PTPRT: variants seen among roughly 807,000 people sequenced by gnomAD.
The protein encoded by PTPRT is receptor-type tyrosine-protein phosphatase T.
Under a neutral mutation model 176.8 loss-of-function variants are expected in PTPRT, and 56 were observed. The ratio of observed to expected loss-of-function variants is 0.32; its 90% CI spans 0.26 to 0.40. The LOEUF (loss-of-function observed/expected upper bound fraction) is 0.40. PTPRT is among the 10% of genes least tolerant of loss of function. The pLI is 1.00. For missense variants in PTPRT, 1,540 were observed against 1,908.2 expected (o/e 0.81, Z 3.60); for synonymous variants, 783 against 739.0 (o/e 1.06, Z -0.96).
chr20:42,180,521 C>T (rs1990473316), intron 16 of PTPRT, among the ~76,000 whole-genome samples: 1 of 152,200 alleles, frequency 6.6e-6, no homozygotes, highest in African/African-American at 2.4e-5. Context: ...TGCTTATTTC[C>T]TGTCTCTCTT....
At chr20:42,157,546 A>G (rs572457419) in intron 17 of PTPRT, among the ~76,000 whole-genome samples, 11 of 152,006 alleles carry the variant, frequency 7.2e-5, no homozygotes, top group Admixed American at 6.6e-4. Context: ...GGGTTTCACC[A>G]TGTCGGCCAG....
chr20:43,092,307 A>G (rs993264158), intron 1 of PTPRT, among the ~76,000 whole-genome samples: 1 of 152,210 alleles, frequency 6.6e-6, no homozygotes, highest in Non-Finnish European at 1.5e-5. Flanking sequence ...TCCCCCATTG[A>G]CCAAGGGCTG....
intron 1 of PTPRT, among the ~76,000 whole-genome samples, chr20:43,143,890 C>A (rs180880958): frequency 6.6e-6 from 1 of 152,152 alleles, no homozygotes; most frequent in Non-Finnish European, 1.5e-5. Context: ...TCCCACCTAA[C>A]GCATGAGTGC....
chr20:42,768,191 G>T (rs561266019), intron 5 of PTPRT, among the ~76,000 whole-genome samples: 2 of 152,252 alleles, frequency 1.3e-5, no homozygotes, highest in South Asian at 2.1e-4. Flanking sequence ...ATTTAGGGAA[G>T]TTTCCTTGAA....
chr20:42,368,753 C>G (rs1466329182), intron 9 of PTPRT, among the ~76,000 whole-genome samples: 3 of 152,200 alleles, frequency 2.0e-5, no homozygotes, highest in Non-Finnish European at 4.4e-5. Flanking sequence ...GCATGAAAGA[C>G]TTTTGCTAAA....
At chr20:42,097,044 T>A (rs184892035) in intron 27 of PTPRT, among the ~76,000 whole-genome samples, 1 of 152,176 alleles carries the variant, frequency 6.6e-6, no homozygotes, top group African/African-American at 2.4e-5. Flanking sequence ...GAGACAGCAG[T>A]GTGGGTGGAA....
chr20:42,123,263 T>A (rs1276447669), intron 19 of PTPRT, among the ~76,000 whole-genome samples: 1 of 152,224 alleles, frequency 6.6e-6, no homozygotes, highest in East Asian at 1.9e-4. Flanking sequence ...AGATTCACAT[T>A]TTAGTTGTGG....
chr20:42,461,116 T>C (rs1470598929), intron 8 of PTPRT, among the ~76,000 whole-genome samples: 4 of 152,040 alleles, frequency 2.6e-5, no homozygotes, highest in Non-Finnish European at 4.4e-5. Flanking sequence ...TCACCTGAGG[T>C]TGGGAGTTCG....
At chr20:42,937,091 T>A (rs1980234847) in intron 1 of PTPRT, among the ~76,000 whole-genome samples, 1 of 152,180 alleles carries the variant, frequency 6.6e-6, no homozygotes. Flanking sequence ...AATCTCGGCT[T>A]TACACGTTAT....
At chr20:42,290,746 G>A (rs2057304497) in intron 12 of PTPRT, among the ~76,000 whole-genome samples, 1 of 151,698 alleles carries the variant, frequency 6.6e-6, no homozygotes. Flanking sequence ...TTTAACACTA[G>A]GTCAAGTCTG....
At chr20:42,657,762 C>T (rs2075150985) in intron 7 of PTPRT, among the ~76,000 whole-genome samples, 1 of 152,058 alleles carries the variant, frequency 6.6e-6, no homozygotes, top group South Asian at 2.1e-4. Flanking sequence ...ACCTTGCTCC[C>T]TCAAGGAAAA....
chr20:42,563,458 T>C (rs2145658127), intron 7 of PTPRT, among the ~76,000 whole-genome samples: 1 of 152,262 alleles, frequency 6.6e-6, no homozygotes, highest in Admixed American at 6.5e-5. Context: ...CCTATGATGA[T>C]CAAACACCAT....
chr20:42,301,837 G>A (rs1268787819), intron 12 of PTPRT, among the ~76,000 whole-genome samples: 3 of 152,180 alleles, frequency 2.0e-5, no homozygotes, highest in Non-Finnish European at 2.9e-5. Context: ...ATTGGTGGAA[G>A]AGAAAGTAAG....
intron 1 of PTPRT, chr20:43,063,656 T>G (rs1409489842): frequency 6.6e-6 from 1 of 152,250 alleles, no homozygotes; most frequent in Non-Finnish European, 1.5e-5. Flanking sequence ...GTCATCTCCC[T>G]TTTGGAAGAA....
At chr20:42,935,354 G>A (rs935692601) in intron 1 of PTPRT, among the ~76,000 whole-genome samples, 3 of 151,768 alleles carry the variant, frequency 2.0e-5, no homozygotes, top group Non-Finnish European at 4.4e-5. Flanking sequence ...TACCTAGGCT[G>A]TTCTCAAACT....
At chr20:42,156,718 T>C (rs1171268085) in intron 17 of PTPRT, among the ~76,000 whole-genome samples, 3 of 152,232 alleles carry the variant, frequency 2.0e-5, no homozygotes, top group Non-Finnish European at 4.4e-5. Context: ...TAATTCCTTT[T>C]GTAACATACA....
chr20:42,602,112 G>T, intron 7 of PTPRT, among the ~76,000 whole-genome samples: 1 of 152,108 alleles, frequency 6.6e-6, no homozygotes. Context: ...TTCCCACTTT[G>T]CCTGAAGTCC....
intron 9 of PTPRT, among the ~76,000 whole-genome samples, chr20:42,396,567 T>A (rs1294388434): frequency 6.6e-6 from 1 of 152,188 alleles, no homozygotes; most frequent in Admixed American, 6.5e-5. Flanking sequence ...CCTTTGCACT[T>A]TCTTTTTTGT....
chr20:42,146,054 T>C (rs1040216603), intron 17 of PTPRT, among the ~76,000 whole-genome samples: 1 of 152,166 alleles, frequency 6.6e-6, no homozygotes, highest in Non-Finnish European at 1.5e-5. Flanking sequence ...TGCATCCATA[T>C]TGCCACCAGT....
Sources: gnomAD v4.1 joint callset for allele counts (sites outside exome capture counted in the v4.1 genomes callset) on GRCh38, gnomAD v4.1.1 for gene constraint, MANE v1.5 for transcripts, NCBI Gene and HGNC (gene_info 2026-07-23, HGNC 2026-07-21) for gene names.